Variants in ECE1 observed in about 807,000 individuals in gnomAD.
ECE1 encodes endothelin converting enzyme 1.
Under a neutral mutation model 98.6 loss-of-function variants are expected in ECE1, and 35 were observed. The ratio of observed to expected loss-of-function variants is 0.35; its 90% CI spans 0.27 to 0.47. ECE1 has a LOEUF of 0.47. ECE1 is among the 20% of genes least tolerant of loss of function. The pLI is 1.00. For missense variants in ECE1, 814 were observed against 1,025.3 expected, an observed-to-expected ratio of 0.79 and a Z score of 2.81; for synonymous variants, 394 against 407.1, an observed-to-expected ratio of 0.97 and a Z score of 0.39.
In ECE1 at chr1:21,233,768, G is replaced by A. The variant is rs372038213; in HGVS notation, c.1567-107C>T. 13 of 1,060,632 alleles carry A rather than the reference G, an allele frequency of 1.2e-5. 1 individual carries two copies. The African/African-American group carries it at 2.0e-4, about 17-fold the overall frequency. The allele number at this position is 1,060,632 out of a possible 1,614,324, so 65.7% of individuals were successfully genotyped here. A position where few individuals can be genotyped will look rare whatever the true frequency, so the allele number is the denominator to read the frequency against. On this transcript the variant is annotated intron_variant, in intron 13 of 18. Transcript: ENST00000374893. The surrounding 1 kb of genome is among the most constrained non-coding windows in gnomAD (Gnocchi z 4.0). ...GGTTAAGAGATTAATCTGCAGGCTGGAGACCGGAATGCAGGGCTTGGGGCT... is the reference window on the plus strand; with the variant it reads ...GGTTAAGAGATTAATCTGCAGGCTGAAGACCGGAATGCAGGGCTTGGGGCT...
At chr1:21,243,621 G>C (rs1023725756) in intron 10 of ECE1, among the ~76,000 whole-genome samples, 11 of 152,208 alleles carry the variant, frequency 7.2e-5, no homozygotes, top group Non-Finnish European at 1.3e-4. Context: ...GTGGGTGTAT[G>C]TTCCACACAC....
chr1:21,234,010 G>A (rs1044584772), intron 13 of ECE1, among the ~76,000 whole-genome samples: 18 of 151,484 alleles, frequency 1.2e-4, no homozygotes, highest in Admixed American at 4.6e-4. Flanking sequence ...TTTTTGAGAC[G>A]GGAATCTTGA....
intron 1 of ECE1, chr1:21,298,467 T>C (rs1638416456): frequency 3.2e-6 from 1 of 312,210 alleles, no homozygotes. Flanking sequence ...CTTTCACATC[T>C]TTCCACGGAC....
rs147159466 is a variant in ECE1 at position 21,319,430 on chromosome 1, G to T, written c.3+25946C>A. ...TTTTCTAGAGACATGATAAGACCTC[G>T]TGTCTAAATGGCCTGGTACATACTA... On this transcript the variant is annotated intron_variant, in intron 1 of 18. Coordinates refer to the ECE1 transcript ENST00000415912. The surrounding 1 kb of genome is among the most constrained non-coding windows in gnomAD (Gnocchi z 4.4). Among the ~76,000 whole-genome samples the T allele has an allele frequency of 6.6e-6, 1 of 152,160 alleles. No individual in the cohort carries two copies. The highest frequency in any genetic ancestry group is 2.4e-5 in the African/African-American group (1 of 41,422).
At chr1:21,237,721 G>A (rs1240791322) in intron 11 of ECE1, among the ~76,000 whole-genome samples, 1 of 152,208 alleles carries the variant, frequency 6.6e-6, no homozygotes, top group African/African-American at 2.4e-5. Flanking sequence ...TCTGAGCTTA[G>A]GCCGGGCTGT....
chr1:21,305,248 C>T (rs1369613870), intron 1 of ECE1, among the ~76,000 whole-genome samples: 1 of 152,192 alleles, frequency 6.6e-6, no homozygotes, highest in African/African-American at 2.4e-5. Context: ...ACACAGTCTA[C>T]AAAGCCAGGC....
chr1:21,290,180 A>G lies in ECE1; in HGVS notation c.52-24T>C, dbSNP rs374067662. On this transcript the variant is annotated intron_variant, in intron 1 of 18. Transcript: ENST00000374893. This position sits in a 1 kb window ranked among gnomAD's most constrained non-coding sequence, Gnocchi z 7.3. ...ATCTGCAAGGCCAAATGCAGCACGG[A>G]CTCCCTCAGCGCCTCCATGGCTCTC... 6.5e-7 allele frequency: 1 copy of G among 1,530,198 alleles called. No individual in the cohort carries two copies. Among genetic ancestry groups the G allele is most frequent in the South Asian group, 1.2e-5 (1 of 81,516 alleles). The allele number at this position is 1,530,198 out of a possible 1,614,324, so 94.8% of individuals were successfully genotyped here. A position where few individuals can be genotyped will look rare whatever the true frequency, so the allele number is the denominator to read the frequency against.
In ECE1 at chr1:21,272,931, G is replaced by C; in HGVS notation, c.281-20C>G. On this transcript the variant is annotated intron_variant, in intron 3 of 18. Coordinates refer to ENST00000374893, the MANE Select transcript of ECE1 (RefSeq NM_001397.3). ...GGGATCCTGGAAGGGTTAAGGACAA[G>C]AGGCCAGTGAAGGGCAGGCAGGGAA... is the stretch of plus-strand genomic sequence containing the variant. 4.3e-6 allele frequency: 7 copies of C among 1,613,830 alleles called. No homozygotes were observed. Among genetic ancestry groups the C allele is most frequent in the Non-Finnish European group, 5.9e-6 (7 of 1,179,788 alleles).
rs796159197 is a variant in ECE1, at chr1:21,258,358, C to G, written c.762+335G>C. ...ATGCTCTGACAGGGAGAGATGGATT[C>G]AAACCCATTCCAAGAAGAGTTACAA... On this transcript the variant is annotated intron_variant, in intron 6 of 18. Coordinates refer to ENST00000374893, the MANE Select transcript of ECE1 (RefSeq NM_001397.3). This position sits in a 1 kb window ranked among gnomAD's most constrained non-coding sequence, Gnocchi z 4.2. 4.6e-5 allele frequency among the ~76,000 whole-genome samples: 7 copies of G among 152,288 alleles called. No individual in the cohort carries two copies. The highest frequency in any genetic ancestry group is 1.4e-4 in the African/African-American group (6 of 41,556).
At chr1:21,335,960 G>A (rs994403276) in intron 1 of ECE1, among the ~76,000 whole-genome samples, 6 of 152,200 alleles carry the variant, frequency 3.9e-5, no homozygotes, top group Non-Finnish European at 5.9e-5. Flanking sequence ...AACAGCAGGC[G>A]AAGCCCAAAG....
rs28367925 is a variant in ECE1, at chr1:21,288,088, T to C, written c.138+1982A>G. ...CTTCATGTTCACTTTGGGGAAGTTG[T>C]GGCAACACCACACAAGCCAAGCTGG... On this transcript the variant is annotated intron_variant, in intron 2 of 18. Coordinates refer to ENST00000374893, the MANE Select transcript of ECE1 (RefSeq NM_001397.3). Among the ~76,000 whole-genome samples, 1,189 of 152,318 alleles carry C rather than the reference T, an allele frequency of 7.8e-3. 19 individuals are homozygous for C. The highest frequency in any genetic ancestry group is 0.027 in the African/African-American group (1,107 of 41,568).
chr1:21,253,316 C>T (rs1413483537), intron 8 of ECE1, among the ~76,000 whole-genome samples: 1 of 152,004 alleles, frequency 6.6e-6, no homozygotes, highest in Non-Finnish European at 1.5e-5. Context: ...CTCGGCCTCC[C>T]AAAGTGCTGG....
At chr1:21,316,072 T>G (rs1638826597) in intron 1 of ECE1, among the ~76,000 whole-genome samples, 1 of 152,206 alleles carries the variant, frequency 6.6e-6, no homozygotes, top group Non-Finnish European at 1.5e-5. Context: ...CATGTCCTCT[T>G]GTCTAGGGAA....
chr1:21,279,230 C>T lies in ECE1; in HGVS notation c.241G>A (p.Val81Met), dbSNP rs1368582485. The T allele has an allele frequency of 1.2e-6, 2 of 1,614,084 alleles. No homozygotes were observed. Among genetic ancestry groups the T allele is most frequent in the Non-Finnish European group, 1.7e-6 (2 of 1,180,042 alleles). ...VLVVLLAAGL[V>M]ACLAALGIQY... ...ATGCCCAGTGCTGCCAAGCAGGCCA[C>T]CAGTCCTGCCGCCAGAAGTACCACC... The change falls in exon 3 of 19, where the codon GTG becomes ATG. Residue 81 changes from valine (V) to methionine (M), a missense_variant. Physicochemically the swap from Val to Met is conservative, Grantham distance 21. Around this residue, in one of 3 missense-constraint regions of ECE1, gnomAD observed 257 missense variants for 278.9 expected, o/e 0.92. Coordinates refer to ENST00000374893, the MANE Select transcript of ECE1 (RefSeq NM_001397.3).
rs2098226108 is a variant in ECE1 at position 21,260,996 on chromosome 1, A to C, written c.494-604T>G. Among the ~76,000 whole-genome samples the C allele has an allele frequency of 6.6e-6, 1 of 151,998 alleles. No homozygotes were observed. Among genetic ancestry groups the C allele is most frequent in the Non-Finnish European group, 1.5e-5 (1 of 67,984 alleles). On this transcript the variant is annotated intron_variant, in intron 4 of 18. Transcript: ENST00000374893. This position sits in a 1 kb window ranked among gnomAD's most constrained non-coding sequence, Gnocchi z 4.3. ...TGGCTTCTCAGACCTTACCCCAGAC[A>C]CCCGGAGATTCTGTTCCCTTCTCCC... is the stretch of plus-strand genomic sequence containing the variant.
chr1:21,277,263 G>T (rs1428264041), intron 3 of ECE1, among the ~76,000 whole-genome samples: 1 of 152,240 alleles, frequency 6.6e-6, no homozygotes, highest in Non-Finnish European at 1.5e-5. Context: ...TTCCTCCCAA[G>T]GGGCCCCACT....
chr1:21,319,095 A>G lies in ECE1; in HGVS notation c.3+26281T>C, dbSNP rs1638904991. On this transcript the variant is annotated intron_variant, in intron 1 of 18. Transcript: ENST00000415912. This position sits in a 1 kb window ranked among gnomAD's most constrained non-coding sequence, Gnocchi z 4.4. ...CACGGTGGCTCAAGCTCGTAATCCA[A>G]GCACTTTGGGAAGCCAAGGTGGGTG... Among the ~76,000 whole-genome samples, 1 of 152,198 alleles carries G rather than the reference A, an allele frequency of 6.6e-6. No individual in the cohort carries two copies. Among genetic ancestry groups the G allele is most frequent in the South Asian group, 2.1e-4 (1 of 4,834 alleles).
chr1:21,265,442 G>A (rs1280991044), intron 4 of ECE1, among the ~76,000 whole-genome samples: 1 of 152,206 alleles, frequency 6.6e-6, no homozygotes, highest in Non-Finnish European at 1.5e-5. Context: ...TGAGGCACAA[G>A]AATCGCTTGA....
intron 3 of ECE1, among the ~76,000 whole-genome samples, chr1:21,277,323 G>A (rs2098248569): frequency 6.6e-6 from 1 of 152,256 alleles, no homozygotes; most frequent in African/African-American, 2.4e-5. Flanking sequence ...GAGCTGGCCC[G>A]TGGGGACTCC....
Sources: gnomAD v4.1 joint callset for allele counts (sites outside exome capture counted in the v4.1 genomes callset) on GRCh38, gnomAD v4.1.1 for gene constraint, gnomAD v4.1.1 regional missense constraint, Gnocchi (gnomAD v3.1) non-coding constraint, MANE v1.5 for transcripts, NCBI Gene and HGNC (gene_info 2026-07-23, HGNC 2026-07-21) for gene names.